The following STRA8 variants were observed in gnomAD, a reference collection of about 807,000 sequenced individuals.
The protein encoded by STRA8 is stimulated by retinoic acid gene 8 protein homolog.
A neutral mutation model predicts 37.1 loss-of-function variants in STRA8; 18 were observed. The ratio of observed to expected loss-of-function variants is 0.48; its 90% CI spans 0.34 to 0.72. STRA8 has a LOEUF of 0.72. Among genes scored for constraint, STRA8 ranks in the 30% least tolerant of loss-of-function variants. STRA8 has a pLI of 0.01. For synonymous variants in STRA8, 168 were observed against 162.9 expected (o/e 1.03, Z -0.24); for missense variants, 357 against 410.4 (o/e 0.87, Z 1.13).
intron 6 of STRA8, among the ~76,000 whole-genome samples, chr7:135,251,558 G>C (rs937306256): frequency 6.6e-6 from 1 of 152,150 alleles, no homozygotes; most frequent in Admixed American, 6.5e-5. Context: ...ATTTCTTCCT[G>C]TCCCTCACAG....
chr7:135,246,768 A>G lies in STRA8; in HGVS notation c.879+66A>G. ...ACCACCCTCGCCCTCGCCTGGGGAC[A>G]CCAGGGCTTTGCATTTAGCAGGTTG... On this transcript the variant is annotated intron_variant, in intron 6 of 8. Coordinates refer to ENST00000662584, the MANE Select transcript of STRA8 (RefSeq NM_001394401.1). This position sits in a 1 kb window ranked among gnomAD's most constrained non-coding sequence, Gnocchi z 5.4. 4.2e-6 allele frequency: 6 copies of G among 1,434,578 alleles called. 1 individual carries two copies. In the South Asian group the frequency reaches 8.4e-5, roughly 20 times the overall value. The allele number at this position is 1,434,578 out of a possible 1,614,324, so 88.9% of individuals were successfully genotyped here.
intron 7 of STRA8, among the ~76,000 whole-genome samples, chr7:135,254,858 G>A (rs1422755264): frequency 6.6e-6 from 1 of 152,202 alleles, no homozygotes; most frequent in East Asian, 1.9e-4. Flanking sequence ...TCGTTCCCTT[G>A]TTCCAGTGGC....
At chr7:135,253,057 G>A (rs1832658071) in intron 7 of STRA8, among the ~76,000 whole-genome samples, 2 of 152,054 alleles carry the variant, frequency 1.3e-5, no homozygotes, top group Admixed American at 6.5e-5. Context: ...GCCTCAGCCT[G>A]CCGAGTGGCT....
upstream of STRA8, among the ~76,000 whole-genome samples, chr7:135,232,825 T>C (rs1169689294): frequency 6.6e-6 from 1 of 152,168 alleles, no homozygotes; most frequent in Non-Finnish European, 1.5e-5. Flanking sequence ...GCGAGGTGGA[T>C]TCTAATCCAG....
chr7:135,251,837 C>G lies in STRA8; in HGVS notation c.921C>G (p.Asp307Glu). The change falls in exon 7 of 9, where the codon GAC becomes GAG. Residue 307 changes from aspartate to glutamate, a missense_variant. By Grantham distance (45) the Asp-to-Glu change is conservative. Coordinates refer to ENST00000662584, the MANE Select transcript of STRA8 (RefSeq NM_001394401.1). ...EDAFDVASFL[D>E]KSEVPSTSSS... ...CCTTTGATGTGGCAAGCTTCCTGGA[C>G]AAAAGTGAGGTTCCGAGTACATCTA... 1.9e-6 allele frequency: 3 copies of G among 1,614,082 alleles called. No homozygotes were observed. Among genetic ancestry groups the G allele is most frequent in the Non-Finnish European group, 2.5e-6 (3 of 1,180,010 alleles).
chr7:135,242,441 G>A lies in STRA8; in HGVS notation c.193-340G>A, dbSNP rs74583920. 5.8e-4 allele frequency among the ~76,000 whole-genome samples: 88 copies of A among 152,322 alleles called. 2 individuals are homozygous for A. The East Asian group carries it at 0.016, about 28-fold the overall frequency. ...TGCTTTGTGCAAGCCTGGGGTTGAC[G>A]TTCATGCAGAATGCGCCTCTTCCAT... On this transcript the variant is annotated intron_variant, in intron 2 of 8. Coordinates refer to ENST00000662584, the MANE Select transcript of STRA8 (RefSeq NM_001394401.1).
At chr7:135,244,051 TTTTGG>T (rs1161858764) in intron 4 of STRA8, among the ~76,000 whole-genome samples, 2 of 152,164 alleles carry the variant, frequency 1.3e-5, no homozygotes, top group Non-Finnish European at 2.9e-5. Flanking sequence ...TTGTTTTTGT[TTTTGG>T]TTTGGTTTGG....
intron 4 of STRA8, 116 bp from the exon 5 acceptor site, chr7:135,245,172 C>T (rs1428783390): frequency 2.8e-6 from 2 of 703,270 alleles, no homozygotes; most frequent in Non-Finnish European, 5.3e-6. Flanking sequence ...GATGTGTACA[C>T]CTACACACAC....
At chr7:135,237,870 C>A (rs566130891) in intron 1 of STRA8, among the ~76,000 whole-genome samples, 2 of 151,494 alleles carry the variant, frequency 1.3e-5, no homozygotes, top group Admixed American at 6.6e-5. Flanking sequence ...CCAACCCAGG[C>A]GACAGAGCCA....
chr7:135,233,805 T>C (rs1417342269), upstream of STRA8, among the ~76,000 whole-genome samples: 2 of 152,208 alleles, frequency 1.3e-5, no homozygotes, highest in African/African-American at 4.8e-5. Context: ...GTGCCAGGTC[T>C]GTTTTCTGAC....
intron 8 of STRA8, among the ~76,000 whole-genome samples, chr7:135,256,473 C>T (rs1422316272): frequency 1.3e-5 from 2 of 152,176 alleles, no homozygotes; most frequent in African/African-American, 4.8e-5. Flanking sequence ...CCATATATGG[C>T]AGAAAAGATA....
Position 135,254,338 on chromosome 7 carries a change from C to T in STRA8, c.954-776C>T, listed in dbSNP as rs769245339. Among the ~76,000 whole-genome samples the T allele has an allele frequency of 5.3e-5, 8 of 152,302 alleles. No homozygotes were observed. The East Asian group carries it at 5.8e-4, about 11-fold the overall frequency. Reference sequence around the variant, plus strand: ...GTTGCTGCCAGAGGGTTCCTCATCCCGGGAGGAAGTGAGGGCTGCCTGCTG... The same window carrying T: ...GTTGCTGCCAGAGGGTTCCTCATCCTGGGAGGAAGTGAGGGCTGCCTGCTG... On this transcript the variant is annotated intron_variant, in intron 7 of 8. Transcript: ENST00000662584.
intron 1 of STRA8, among the ~76,000 whole-genome samples, chr7:135,239,770 C>T (rs528030674): frequency 2.0e-4 from 31 of 152,248 alleles, no homozygotes; most frequent in African/African-American, 7.5e-4. Flanking sequence ...AAGAAGGACA[C>T]AGTGATCATC....
chr7:135,252,937 A>T lies in STRA8; in HGVS notation c.953+1068A>T, dbSNP rs543755310. On this transcript the variant is annotated intron_variant, in intron 7 of 8. Transcript: ENST00000662584. ...TCTCTGGAACCTCTTTCTTTAAAAA[A>T]ATTTTTTTTTTTTCTAAGACAGAGT... Among the ~76,000 whole-genome samples, 4 of 151,782 alleles carry T rather than the reference A, an allele frequency of 2.6e-5. 1 individual carries two copies. The highest frequency in any genetic ancestry group is 7.3e-5 in the African/African-American group (3 of 41,252).
intron 1 of STRA8, among the ~76,000 whole-genome samples, chr7:135,237,535 C>A (rs1325759544): frequency 6.6e-6 from 1 of 152,166 alleles, no homozygotes; most frequent in Non-Finnish European, 1.5e-5. Flanking sequence ...TTCTTCCAGG[C>A]GAGCCAGCCC....
At chr7:135,253,999 C>T (rs1192558000) in intron 7 of STRA8, among the ~76,000 whole-genome samples, 1 of 152,206 alleles carries the variant, frequency 6.6e-6, no homozygotes, top group Non-Finnish European at 1.5e-5. Flanking sequence ...TCAACATTTT[C>T]CCTCCATTCT....
chr7:135,242,949 C>A, intron 3 of STRA8, 93 bp downstream of exon 3: 3 of 1,361,896 alleles, frequency 2.2e-6, no homozygotes, highest in South Asian at 1.2e-5. Flanking sequence ...TACAATGAAT[C>A]AACAAATATT....
At chr7:135,247,006 G>A (rs1412974392) in intron 6 of STRA8, 3 of 312,682 alleles carry the variant, frequency 9.6e-6, no homozygotes, top group Non-Finnish European at 1.2e-5. Context: ...CACCACGCCC[G>A]GCTAATTTTT....
At chr7:135,248,520 C>A (rs1832597450) in intron 6 of STRA8, among the ~76,000 whole-genome samples, 1 of 152,062 alleles carries the variant, frequency 6.6e-6, no homozygotes. Context: ...CCAGCCTGGG[C>A]AACACAGTGA....
Sources: allele counts gnomAD v4.1 joint callset (sites outside exome capture counted in the v4.1 genomes callset), GRCh38; gene constraint gnomAD v4.1.1; non-coding constraint Gnocchi (gnomAD v3.1); transcripts MANE v1.5; gene names NCBI Gene and HGNC (gene_info 2026-07-23, HGNC 2026-07-21).